Variants in PPIP5K2 observed in about 807,000 individuals in gnomAD.
The protein encoded by PPIP5K2 is inositol hexakisphosphate and diphosphoinositol-pentakisphosphate kinase 2.
PPIP5K2 carries 105 observed loss-of-function variants against 154.6 expected under a neutral mutation model. That is an observed-to-expected ratio of 0.68 (90% CI 0.58 to 0.80). The LOEUF is 0.80. PPIP5K2 is among the 30% of genes least tolerant of loss of function. PPIP5K2 has a pLI of 0.00. For synonymous variants in PPIP5K2, 480 were observed against 490.3 expected (o/e 0.98, Z 0.28); for missense variants, 992 against 1,504.6 (o/e 0.66, Z 5.64).
At chr5:103,134,081 A>C (rs949859896) in intron 3 of PPIP5K2, among the ~76,000 whole-genome samples, 2 of 152,038 alleles carry the variant, frequency 1.3e-5, no homozygotes, top group Non-Finnish European at 2.9e-5. Context: ...TGCATCTCTA[A>C]GTTTCTTAGG....
At chr5:103,154,215 T>C (rs1554212294) in intron 11 of PPIP5K2, among the ~76,000 whole-genome samples, 2 of 152,014 alleles carry the variant, frequency 1.3e-5, no homozygotes, top group Non-Finnish European at 2.9e-5. Flanking sequence ...CTCTCTTGTA[T>C]TGCATTCTGA....
In PPIP5K2 at chr5:103,208,739, A is replaced by G. The variant is rs1314123860; in HGVS notation, c.*7105A>G. The G allele has an allele frequency of 6.6e-6, 1 of 151,718 alleles. No homozygotes were observed. The highest frequency in any genetic ancestry group is 1.5e-5 in the Non-Finnish European group (1 of 67,992). 9.4% of individuals were successfully genotyped at this position (151,718 alleles called of 1,614,324 possible). A position where few individuals can be genotyped will look rare whatever the true frequency, so the allele number is the denominator to read the frequency against. ...TTTTTTCCCTGTCTCAGATTATGTC[A>G]TCTATTTTGGAGTATTTTGGTCTAA... On this transcript the variant is annotated 3_prime_UTR_variant, in exon 31 of 31. Coordinates refer to ENST00000358359, the MANE Select transcript of PPIP5K2 (RefSeq NM_001276277.3).
intron 24 of PPIP5K2, among the ~76,000 whole-genome samples, chr5:103,181,303 C>T (rs1305964303): frequency 7.2e-5 from 11 of 151,920 alleles, no homozygotes. Flanking sequence ...CGTGGTGGCT[C>T]ATGCCTGTAA....
chr5:103,160,103 T>A (rs1554215131), intron 17 of PPIP5K2, among the ~76,000 whole-genome samples: 1 of 152,214 alleles, frequency 6.6e-6, no homozygotes, highest in African/African-American at 2.4e-5. Context: ...AGGATTTCCT[T>A]CTTTTTTAAG....
intron 1 of PPIP5K2, among the ~76,000 whole-genome samples, chr5:103,127,011 A>G (rs952213473): frequency 6.6e-6 from 1 of 152,154 alleles, no homozygotes; most frequent in Non-Finnish European, 1.5e-5. Context: ...TAGTTCTGCC[A>G]TTGTGTCATG....
At chr5:103,171,523 T>C (rs1046039962) in intron 19 of PPIP5K2, among the ~76,000 whole-genome samples, 7 of 151,546 alleles carry the variant, frequency 4.6e-5, no homozygotes, top group African/African-American at 1.7e-4. Context: ...TGAAACTACA[T>C]ATGAGGACTT....
At chr5:103,157,780 G>A (rs1000520674) in intron 14 of PPIP5K2, among the ~76,000 whole-genome samples, 4 of 151,962 alleles carry the variant, frequency 2.6e-5, no homozygotes, top group African/African-American at 9.7e-5. Context: ...GCACTGCAAA[G>A]GGTGCTTGAT....
At chr5:103,180,721 G>A (rs1554222499) in intron 24 of PPIP5K2, among the ~76,000 whole-genome samples, 1 of 151,834 alleles carries the variant, frequency 6.6e-6, no homozygotes, top group African/African-American at 2.4e-5. Flanking sequence ...ATGGTGGCGG[G>A]CACCTGTAGT....
intron 26 of PPIP5K2, 62 bp downstream of exon 26, chr5:103,184,806 G>C: frequency 5.3e-6 from 7 of 1,312,812 alleles, no homozygotes; most frequent in Non-Finnish European, 7.6e-6. Flanking sequence ...GTGCACACAT[G>C]TAAAACTCTT....
At chr5:103,179,323 G>A (rs1162447007) in intron 23 of PPIP5K2, among the ~76,000 whole-genome samples, 1 of 151,842 alleles carries the variant, frequency 6.6e-6, no homozygotes, top group Non-Finnish European at 1.5e-5. Context: ...TTTAGTTTGT[G>A]CGTTCTTATT....
intron 1 of PPIP5K2, among the ~76,000 whole-genome samples, chr5:103,122,857 G>A (rs1432862414): frequency 1.3e-5 from 2 of 152,164 alleles, no homozygotes. Context: ...CTGAATACTA[G>A]GTGGGACTGA....
intron 1 of PPIP5K2, among the ~76,000 whole-genome samples, chr5:103,127,651 T>C (rs370892251): frequency 6.6e-6 from 1 of 152,210 alleles, no homozygotes; most frequent in Non-Finnish European, 1.5e-5. Flanking sequence ...CAAGCACTTA[T>C]GCTATCTCAC....
chr5:103,180,221 C>A (rs782440690), intron 24 of PPIP5K2, 33 bp downstream of exon 24: 1 of 1,472,184 alleles, frequency 6.8e-7, no homozygotes, highest in Non-Finnish European at 9.0e-7. Flanking sequence ...ATTTTTCATA[C>A]AGTAAACTAA....
At chr5:103,153,682 T>C (rs1228085954) in intron 10 of PPIP5K2, among the ~76,000 whole-genome samples, 166 bp from the exon 11 acceptor site, 1 of 151,960 alleles carries the variant, frequency 6.6e-6, no homozygotes, top group Non-Finnish European at 1.5e-5. Context: ...TGAATTTTAT[T>C]TCATAAAGTT....
At chr5:103,138,248 T>G (rs1554205112) in intron 4 of PPIP5K2, 136 bp from the exon 5 acceptor site, 30 of 409,690 alleles carry the variant, frequency 7.3e-5, no homozygotes, top group Non-Finnish European at 4.2e-6. Context: ...TTTGTTTATT[T>G]AAAAAATAAA....
chr5:103,131,118 CT>C (rs1419502610), intron 2 of PPIP5K2, among the ~76,000 whole-genome samples: 1 of 152,118 alleles, frequency 6.6e-6, no homozygotes, highest in Non-Finnish European at 1.5e-5. Context: ...TCTCTTTGCT[CT>C]TTTTCCCATC....
rs372501423 is a variant in PPIP5K2, at chr5:103,149,202, A to G, written c.795A>G (p.Pro265=). The change falls in exon 8 of 31, where the codon CCA becomes CCG. Residue 265 remains proline, a synonymous_variant. Transcript: ENST00000358359. ...CCCATGCTGAAGCTCGAAAATCTCC[A>G]GCACTTGATGGCAAGGTGGAACGAG... ...DYAHAEARKS[P]ALDGKVERDS... 2.5e-6 allele frequency: 4 copies of G among 1,614,042 alleles called. No homozygotes were observed. The highest frequency in any genetic ancestry group is 1.3e-5 in the African/African-American group (1 of 75,056).
rs115170796 is a variant in PPIP5K2 at position 103,143,987 on chromosome 5, A to T, written c.488-2540A>T. 3.9e-3 allele frequency among the ~76,000 whole-genome samples: 588 copies of T among 152,268 alleles called. 2 individuals carry two copies. Among genetic ancestry groups the T allele is most frequent in the African/African-American group, 0.013 (553 of 41,568 alleles). ...AGGGCATCCAAATTGAAAAAAAAGG[A>T]GTTACATTATTCTTGTTTATAGATG... On this transcript the variant is annotated intron_variant, in intron 5 of 30. Transcript: ENST00000358359.
rs782623182 is a variant in PPIP5K2 at position 103,129,618 on chromosome 5, G to A, written c.29G>A (p.Gly10Glu). The A allele has an allele frequency of 8.1e-6, 13 of 1,606,378 alleles. No individual in the cohort carries two copies. Among genetic ancestry groups the A allele is most frequent in the Non-Finnish European group, 1.1e-5 (13 of 1,177,968 alleles). ...AGTGAAGCCCCCAGATTCTTCGTTG[G>A]ACCAGAAGATACAGAAATAAATCCT... MSEAPRFFV[G>E]PEDTEINPGN... The change falls in exon 2 of 31, where the codon GGA becomes GAA. Residue 10 changes from glycine (G) to glutamate (E), a missense_variant. Physicochemically the swap from Gly to Glu is moderately conservative, Grantham distance 98. Transcript: ENST00000358359.
Sources: gnomAD v4.1 joint callset for allele counts (sites outside exome capture counted in the v4.1 genomes callset) on GRCh38, gnomAD v4.1.1 for gene constraint, MANE v1.5 for transcripts, NCBI Gene and HGNC (gene_info 2026-07-23, HGNC 2026-07-21) for gene names.